Variants in DST observed in about 807,000 individuals in gnomAD.
DST encodes bullous pemphigoid antigen.
Under a neutral mutation model 875.2 loss-of-function variants are expected in DST, and 253 were observed. The ratio of observed to expected loss-of-function variants is 0.29; its 90% confidence interval spans 0.26 to 0.32. The LOEUF (loss-of-function observed/expected upper bound fraction) is 0.32. Among genes scored for constraint, DST ranks in the 10% least tolerant of loss-of-function variants. The pLI, the probability that DST is intolerant of heterozygous loss-of-function variation, is 1.00. For missense variants in DST, 8,287 were observed against 9,111.6 expected, an observed-to-expected ratio of 0.91 and a Z score of 3.68; for synonymous variants, 3,124 against 3,197.1, an observed-to-expected ratio of 0.98 and a Z score of 0.77.
At chr6:56,832,255 G>A (rs2099788044) in intron 4 of DST, among the ~76,000 whole-genome samples, 1 of 152,342 alleles carries the variant, frequency 6.6e-6, no homozygotes, top group East Asian at 1.9e-4. Context: ...TCCAGGTGTT[G>A]TGGGAGGGAC....
At chr6:56,667,096 G>T (rs1051689848) in intron 10 of DST, among the ~76,000 whole-genome samples, 1 of 152,048 alleles carries the variant, frequency 6.6e-6, no homozygotes, top group African/African-American at 2.4e-5. Flanking sequence ...TTTTTGTAGA[G>T]ATGGGGTCTT....
At chr6:56,478,206 G>A (rs1264938371) in intron 90 of DST, among the ~76,000 whole-genome samples, 1 of 152,162 alleles carries the variant, frequency 6.6e-6, no homozygotes, top group Non-Finnish European at 1.5e-5. Flanking sequence ...ATTTAAAATA[G>A]CATTAACTAT....
At chr6:56,711,194 A>G (rs1330994948) in intron 5 of DST, among the ~76,000 whole-genome samples, 3 of 152,210 alleles carry the variant, frequency 2.0e-5, no homozygotes, top group Non-Finnish European at 2.9e-5. Flanking sequence ...GGAACTAGGT[A>G]GTTAAATAAA....
chr6:56,824,141 TGCGATTGCA>T lies in DST; in HGVS notation c.625+27247_625+27255del, dbSNP rs1332626080. Among the ~76,000 whole-genome samples the T allele has an allele frequency of 1.9e-3, 286 of 152,274 alleles. 3 individuals are homozygous for T. The East Asian group carries it at 0.039, about 21-fold the overall frequency. ...CTCCTGCCTCAGCCTGCCGAGTGCC[TGCGATTGCA>T]GGCGCGCGCCGCCACGCCTGACTGG... On this transcript the variant is annotated intron_variant, in intron 4 of 103. Coordinates refer to ENST00000680361, the MANE Select transcript of DST (RefSeq NM_001374736.1).
intron 28 of DST, 68 bp downstream of exon 28, chr6:56,632,786 T>C (rs1209385301): frequency 1.4e-5 from 19 of 1,346,554 alleles, no homozygotes; most frequent in Admixed American, 1.2e-4. Context: ...GAGATTCCCA[T>C]TGAGAGCAAA....
At chr6:56,565,639 T>A (rs1217072649) in intron 55 of DST, among the ~76,000 whole-genome samples, 1 of 152,206 alleles carries the variant, frequency 6.6e-6, no homozygotes, top group Non-Finnish European at 1.5e-5. Flanking sequence ...TGTCGACCCC[T>A]GCTGGGAGGT....
Position 56,553,315 on chromosome 6 carries a change from G to T in DST, c.15477C>A (p.Asn5159Lys). Residue 5159 changes from asparagine (N) to lysine (K), a missense_variant, in exon 61 of 104, where the codon AAC (asparagine) becomes AAA (lysine). Transcript: ENST00000680361. ...CTTTTTCCAATGACTCTTTTAACTT[G>T]TTTTCTCTTTCTTTCACCTGCTTAT... The part of the protein sequence containing the change: ...TFNKQVKERE[N>K]KLKESLEKAL... 1 of 1,612,726 alleles carries T rather than the reference G, an allele frequency of 6.2e-7. No individual in the cohort carries two copies. Among genetic ancestry groups the T allele is most frequent in the Non-Finnish European group, 8.5e-7 (1 of 1,179,690 alleles).
At chr6:56,618,556 T>C in intron 36 of DST, 1 of 1,614,190 alleles carries the variant, frequency 6.2e-7, no homozygotes. Context: ...TCTGACATTT[T>C]TGGTAATGAT....
intron 4 of DST, among the ~76,000 whole-genome samples, chr6:56,756,116 G>T (rs1330538142): frequency 6.6e-6 from 1 of 152,208 alleles, no homozygotes; most frequent in Non-Finnish European, 1.5e-5. Context: ...AGGAGGAGGT[G>T]CATTCAGTGA....
chr6:56,463,293 C>T, intron 101 of DST, 137 bp from the exon 102 acceptor site: 1 of 613,188 alleles, frequency 1.6e-6, no homozygotes, highest in Non-Finnish European at 2.8e-6. Flanking sequence ...GATCCAATGG[C>T]AAATCATACA....
At chr6:56,911,258 C>T (rs150315901) in intron 2 of DST, among the ~76,000 whole-genome samples, 12 of 152,298 alleles carry the variant, frequency 7.9e-5, no homozygotes, top group African/African-American at 2.6e-4. Context: ...TTAATATGTA[C>T]ATGGATCACC....
chr6:56,599,949 T>C, intron 45 of DST, 120 bp downstream of exon 45: 2 of 873,798 alleles, frequency 2.3e-6, no homozygotes, highest in East Asian at 2.6e-5. Context: ...GCGTCTTGGG[T>C]ATGCCTTGCT....
chr6:56,790,055 C>T (rs1025564004), intron 4 of DST, among the ~76,000 whole-genome samples: 3 of 152,134 alleles, frequency 2.0e-5, no homozygotes, highest in Admixed American at 6.6e-5. Flanking sequence ...GAGCTCATTT[C>T]TCTTCATGCC....
chr6:56,903,098 C>T (rs76889735), intron 2 of DST, among the ~76,000 whole-genome samples: 2,875 of 152,162 alleles, frequency 0.019, 91 homozygotes, highest in African/African-American at 0.065. Context: ...CATTCTAATT[C>T]AGAAATTTGG....
At chr6:56,909,958 C>G (rs11962430) in intron 2 of DST, among the ~76,000 whole-genome samples, 41,909 of 151,796 alleles carry the variant, frequency 0.28, 6,118 homozygotes, top group African/African-American at 0.36. Context: ...CTTTGTCAGC[C>G]GGGAAAAAAA....
chr6:56,603,046 T>C lies in DST; in HGVS notation c.11158-15A>G, dbSNP rs1324681141. 1 of 1,557,448 alleles carries C rather than the reference T, an allele frequency of 6.4e-7. No homozygotes were observed. The stretch of plus-strand genomic sequence containing the variant: ...GCTAGTTTAGACTAGAAAAAAAAAT[T>C]GTGCATTCAGTTATCTTTCCCCAAA... On this transcript the variant is annotated splice_polypyrimidine_tract_variant and intron_variant, in intron 42 of 103. Coordinates refer to ENST00000680361, the MANE Select transcript of DST (RefSeq NM_001374736.1).
At chr6:56,747,081 A>C (rs2099574824) in intron 4 of DST, among the ~76,000 whole-genome samples, 3 of 152,202 alleles carry the variant, frequency 2.0e-5, no homozygotes, top group African/African-American at 7.2e-5. Context: ...TGAAAGGAGA[A>C]TCAGTTACTG....
At chr6:56,892,701 G>A (rs750169430) in intron 3 of DST, among the ~76,000 whole-genome samples, 2 of 152,164 alleles carry the variant, frequency 1.3e-5, no homozygotes, top group Non-Finnish European at 2.9e-5. Context: ...CTATTTAGGG[G>A]TGGGGGTCCC....
intron 5 of DST, among the ~76,000 whole-genome samples, chr6:56,724,557 T>C (rs2099438831): frequency 6.6e-6 from 1 of 152,260 alleles, no homozygotes; most frequent in East Asian, 1.9e-4. Flanking sequence ...ACTGGGCTAC[T>C]GCTCTGCAAA....
Sources: allele counts gnomAD v4.1 joint callset (sites outside exome capture counted in the v4.1 genomes callset), GRCh38; gene constraint gnomAD v4.1.1; transcripts MANE v1.5; gene names NCBI Gene and HGNC (gene_info 2026-07-23, HGNC 2026-07-21).